The following PLCL1 variants were observed in gnomAD, a reference collection of about 807,000 sequenced individuals.
PLCL1 encodes the protein inactive phospholipase C-like protein 1.
In PLCL1, 41 loss-of-function variants were observed where a neutral mutation model predicts 84.4. The observed-to-expected ratio is 0.49, with a 90% CI of 0.38 to 0.63. The LOEUF is 0.63. PLCL1 is among the 30% of genes least tolerant of loss of function. The probability of loss-of-function intolerance (pLI) is 0.00; values close to 1 mark genes in which losing one functional copy is unlikely to be tolerated. For missense variants in PLCL1, 1,206 were observed against 1,367.8 expected (o/e 0.88, Z 1.87); for synonymous variants, 490 against 488.3 (o/e 1.00, Z -0.05).
intron 1 of PLCL1, among the ~76,000 whole-genome samples, chr2:197,921,010 A>G (rs1214899441): frequency 2.0e-5 from 3 of 152,168 alleles, no homozygotes; most frequent in African/African-American, 7.2e-5. Context: ...CATAGAGTAT[A>G]CTCACATTGA....
At chr2:198,145,538 A>C (rs541430816) in intron 5 of PLCL1, among the ~76,000 whole-genome samples, 6 of 152,118 alleles carry the variant, frequency 3.9e-5, no homozygotes, top group Non-Finnish European at 7.4e-5. Context: ...TCCACCTCCA[A>C]CTCTTCTTCC....
intron 1 of PLCL1, among the ~76,000 whole-genome samples, chr2:197,858,691 A>G (rs578115586): frequency 7.9e-5 from 12 of 152,308 alleles, no homozygotes; most frequent in Middle Eastern, 3.4e-3. Context: ...AAAGCACTTT[A>G]TCAGTTATTT....
chr2:198,147,938 T>C lies in PLCL1; in HGVS notation c.*976T>C, dbSNP rs1694565087. 6.6e-6 allele frequency: 1 copy of C among 152,342 alleles called. No individual in the cohort carries two copies. The highest frequency in any genetic ancestry group is 1.5e-5 in the Non-Finnish European group (1 of 68,024). The allele number at this position is 152,342 out of a possible 1,614,324, so 9.4% of individuals were successfully genotyped here. ...AAATTTAAAGATATTGTTCAAACAA[T>C]ATCATATCATCACATTGAGCTGATA... On this transcript the variant is annotated 3_prime_UTR_variant, in exon 6 of 6. Transcript: ENST00000428675.
At chr2:197,887,955 G>A (rs111339082) in intron 1 of PLCL1, among the ~76,000 whole-genome samples, 10 of 152,072 alleles carry the variant, frequency 6.6e-5, no homozygotes, top group East Asian at 1.9e-4. Flanking sequence ...AATTAAGTGC[G>A]GTGGTGTGTG....
At chr2:197,846,049 C>A (rs2105675325) in intron 1 of PLCL1, among the ~76,000 whole-genome samples, 1 of 152,158 alleles carries the variant, frequency 6.6e-6, no homozygotes, top group South Asian at 2.1e-4. Context: ...GTCGAACAGT[C>A]TACTCTGAGA....
chr2:197,958,325 C>T (rs1185950505), intron 1 of PLCL1, among the ~76,000 whole-genome samples: 1 of 151,266 alleles, frequency 6.6e-6, no homozygotes, highest in Non-Finnish European at 1.5e-5. Context: ...TTGGACCACA[C>T]ATAAAATACA....
intron 4 of PLCL1, 105 bp downstream of exon 4, chr2:198,101,465 A>G (rs1482751462): frequency 3.1e-6 from 2 of 653,638 alleles, no homozygotes; most frequent in Admixed American, 5.9e-5. Context: ...CTTCTCTTAA[A>G]ATGCAGTTAT....
intron 1 of PLCL1, among the ~76,000 whole-genome samples, chr2:197,932,641 A>C (rs191340084): frequency 6.6e-6 from 1 of 152,134 alleles, no homozygotes; most frequent in Non-Finnish European, 1.5e-5. Flanking sequence ...GTTCCTGCTA[A>C]CTCACTATTT....
intron 1 of PLCL1, among the ~76,000 whole-genome samples, chr2:198,030,015 A>T (rs1691372494): frequency 6.6e-6 from 1 of 151,896 alleles, no homozygotes; most frequent in Admixed American, 6.6e-5. Flanking sequence ...TTCTTTTTTT[A>T]AATTTTAAGT....
intron 1 of PLCL1, among the ~76,000 whole-genome samples, chr2:198,077,476 T>G (rs902344724): frequency 2.6e-5 from 4 of 152,182 alleles, no homozygotes; most frequent in African/African-American, 9.6e-5. Flanking sequence ...AGTCTTGGCT[T>G]CTGTGGAAGC....
At chr2:197,966,316 A>G (rs1327171293) in intron 1 of PLCL1, among the ~76,000 whole-genome samples, 2 of 152,102 alleles carry the variant, frequency 1.3e-5, no homozygotes, top group African/African-American at 4.8e-5. Flanking sequence ...CCAGCACAGC[A>G]CCAGGACTTT....
chr2:197,922,934 C>T (rs111510185), intron 1 of PLCL1, among the ~76,000 whole-genome samples: 4 of 123,338 alleles, frequency 3.2e-5, no homozygotes, highest in Admixed American at 1.6e-4. Context: ...CCAGATGGGG[C>T]GGCTGGCCGG....
Position 198,082,894 on chromosome 2 carries a change from T to C in PLCL1, c.241-864T>C. Among the ~76,000 whole-genome samples, 2 of 152,190 alleles carry C rather than the reference T, an allele frequency of 1.3e-5. 1 individual carries two copies. The highest frequency in any genetic ancestry group is 3.9e-4 in the East Asian group (2 of 5,182). On this transcript the variant is annotated intron_variant, in intron 1 of 5. Coordinates refer to ENST00000428675, the MANE Select transcript of PLCL1 (RefSeq NM_006226.4). Reference sequence around the variant, plus strand: ...TCTGAATGGATGGAGTTTGATGATCTGTTGGCCCTGTTGGTCAGGGAAGGG... The same window carrying C: ...TCTGAATGGATGGAGTTTGATGATCCGTTGGCCCTGTTGGTCAGGGAAGGG...
At chr2:197,953,545 A>T (rs1689428961) in intron 1 of PLCL1, among the ~76,000 whole-genome samples, 1 of 152,048 alleles carries the variant, frequency 6.6e-6, no homozygotes, top group South Asian at 2.1e-4. Context: ...ATTGGGAATT[A>T]TTGCATGTTA....
chr2:198,116,735 G>A (rs929762543), intron 5 of PLCL1, among the ~76,000 whole-genome samples: 1 of 151,848 alleles, frequency 6.6e-6, no homozygotes, highest in Admixed American at 6.6e-5. Context: ...AGGTTAACAA[G>A]TCGTTATGTA....
intron 3 of PLCL1, among the ~76,000 whole-genome samples, chr2:198,095,493 T>C (rs995401961): frequency 3.3e-5 from 5 of 152,220 alleles, no homozygotes; most frequent in African/African-American, 1.2e-4. Flanking sequence ...AAAATGGAGA[T>C]GTTTAATTTG....
chr2:198,117,146 G>A (rs1044778228), intron 5 of PLCL1, among the ~76,000 whole-genome samples: 2 of 151,742 alleles, frequency 1.3e-5, no homozygotes, highest in South Asian at 4.1e-4. Flanking sequence ...AAACATTCCT[G>A]ATCAATTACA....
chr2:197,910,654 C>T (rs931361762), intron 1 of PLCL1, among the ~76,000 whole-genome samples: 1 of 152,182 alleles, frequency 6.6e-6, no homozygotes, highest in Non-Finnish European at 1.5e-5. Context: ...GATATCAAAC[C>T]ATATTCCTTT....
chr2:198,014,121 G>A (rs1156910787), intron 1 of PLCL1, among the ~76,000 whole-genome samples: 1 of 152,084 alleles, frequency 6.6e-6, no homozygotes, highest in East Asian at 1.9e-4. Flanking sequence ...TTAAAAAGTA[G>A]CCTTTTATTT....
Sources: gnomAD v4.1 joint callset for allele counts (sites outside exome capture counted in the v4.1 genomes callset) on GRCh38, gnomAD v4.1.1 for gene constraint, MANE v1.5 for transcripts, NCBI Gene and HGNC (gene_info 2026-07-23, HGNC 2026-07-21) for gene names.